CCDC141: variants seen among roughly 807,000 people sequenced by gnomAD.
CCDC141 encodes the protein coiled-coil domain-containing protein 141.
Under a neutral mutation model 181.0 loss-of-function variants are expected in CCDC141, and 168 were observed. That is an observed-to-expected ratio of 0.93 (90% CI 0.82 to 1.05). The LOEUF (loss-of-function observed/expected upper bound fraction) is 1.05, where lower values mean the gene tolerates loss of function less well. CCDC141 is among the 50% of genes least tolerant of loss of function. CCDC141 has a pLI of 0.00. For synonymous variants in CCDC141, 666 were observed against 642.3 expected, an observed-to-expected ratio of 1.04 and a Z score of -0.56; for missense variants, 1,902 against 1,788.5, an observed-to-expected ratio of 1.06 and a Z score of -1.14.
chr2:178,891,541 G>C (rs1237368117), intron 8 of CCDC141, among the ~76,000 whole-genome samples: 1 of 152,080 alleles, frequency 6.6e-6, no homozygotes. Flanking sequence ...TGGCCTGGCT[G>C]ACAGGCTCCT....
chr2:178,870,122 C>A (rs1446264302), intron 14 of CCDC141, among the ~76,000 whole-genome samples: 1 of 151,048 alleles, frequency 6.6e-6, no homozygotes, highest in Non-Finnish European at 1.5e-5. Context: ...ATCCCAGCTA[C>A]CCCAGAGGCT....
intron 12 of CCDC141, 115 bp downstream of exon 12, chr2:178,877,849 G>T: frequency 1.0e-6 from 1 of 991,790 alleles, no homozygotes. Flanking sequence ...TGAAGCTAAA[G>T]AGAACTCCCT....
chr2:178,981,636 G>A (rs13405009), intron 2 of CCDC141, among the ~76,000 whole-genome samples: 22 of 62,386 alleles, frequency 3.5e-4, no homozygotes, highest in Admixed American at 7.8e-4. Flanking sequence ...GTGTGTGTGT[G>A]TATATATATA....
intron 6 of CCDC141, among the ~76,000 whole-genome samples, chr2:178,939,858 G>A (rs1188717334): frequency 6.6e-6 from 1 of 151,974 alleles, no homozygotes; most frequent in Admixed American, 6.6e-5. Context: ...CACCCACAAG[G>A]GGTAAATTAA....
intron 4 of CCDC141, among the ~76,000 whole-genome samples, chr2:178,974,370 A>G (rs916588410): frequency 2.6e-5 from 4 of 152,174 alleles, no homozygotes; most frequent in African/African-American, 9.7e-5. Context: ...GTTTCTATCA[A>G]TTTATCTAAC....
chr2:178,817,423 T>A, the CCDC141 span: 1 of 456,226 alleles, frequency 2.2e-6, no homozygotes. Context: ...CTTCCTAGAA[T>A]CAGAAAGACT....
intron 7 of CCDC141, among the ~76,000 whole-genome samples, chr2:178,917,119 T>C (rs1254470902): frequency 3.3e-5 from 5 of 152,222 alleles, no homozygotes; most frequent in South Asian, 2.1e-4. Context: ...ACTGGAAGCA[T>C]TGCTTTATAG....
chr2:178,970,084 A>C (rs1478318431), intron 4 of CCDC141, among the ~76,000 whole-genome samples: 4 of 152,234 alleles, frequency 2.6e-5, no homozygotes, highest in African/African-American at 9.6e-5. Context: ...GGACCTCTTC[A>C]GGGAAAACTA....
At chr2:179,024,603 G>A (rs2042779615) in intron 2 of CCDC141, among the ~76,000 whole-genome samples, 1 of 150,990 alleles carries the variant, frequency 6.6e-6, no homozygotes, top group Non-Finnish European at 1.5e-5. Context: ...TGGCCAGTAA[G>A]GTAAGTGGCA....
At chr2:178,820,945 A>ACAT in the CCDC141 span, among the ~76,000 whole-genome samples, 1 of 152,164 alleles carries the variant, frequency 6.6e-6, no homozygotes, top group Non-Finnish European at 1.5e-5. Flanking sequence ...TGTCAAAGTG[A>ACAT]CTTTTTATTT....
rs1327004819 is a variant in CCDC141 at position 178,888,521 on chromosome 2, A to T, written c.1407+6T>A. ...TAGATATTTAAGTTTTAGTTTACGA[A>T]ACTACCTTCCGTAGGTAACCCTCCA... is the stretch of plus-strand genomic sequence containing the variant. On this transcript the variant is annotated splice_donor_region_variant and intron_variant, in intron 9 of 23. Coordinates refer to ENST00000443758, the MANE Select transcript of CCDC141 (RefSeq NM_173648.4). 3 of 1,549,940 alleles carry T rather than the reference A, an allele frequency of 1.9e-6. No homozygotes were observed. The East Asian group carries it at 7.3e-5, about 38-fold the overall frequency.
At chr2:178,816,194 C>T in the CCDC141 span, among the ~76,000 whole-genome samples, 1 of 152,140 alleles carries the variant, frequency 6.6e-6, no homozygotes, top group Non-Finnish European at 1.5e-5. Context: ...TCCACTTGTT[C>T]TTCATCTTCT....
chr2:178,820,480 G>GA, the CCDC141 span, among the ~76,000 whole-genome samples: 1 of 152,106 alleles, frequency 6.6e-6, no homozygotes, highest in African/African-American at 2.4e-5. Flanking sequence ...CATGAAAACA[G>GA]AAACATGGCA....
intron 22 of CCDC141, among the ~76,000 whole-genome samples, chr2:178,843,844 T>G (rs1444650647): frequency 1.3e-5 from 2 of 152,192 alleles, no homozygotes; most frequent in Non-Finnish European, 2.9e-5. Flanking sequence ...ATTGAGCTAC[T>G]TAAAAGTGAA....
At chr2:178,938,115 T>C (rs1268201655) in intron 6 of CCDC141, among the ~76,000 whole-genome samples, 10 of 152,100 alleles carry the variant, frequency 6.6e-5, no homozygotes, top group Non-Finnish European at 1.3e-4. Context: ...TTAGGGTTGA[T>C]TTGTTCTTGC....
At chr2:178,936,304 A>C (rs962266348) in intron 6 of CCDC141, among the ~76,000 whole-genome samples, 24 of 152,066 alleles carry the variant, frequency 1.6e-4, no homozygotes, top group Non-Finnish European at 1.9e-4. Flanking sequence ...TTCACCTTTA[A>C]TCTTCTGCAT....
At chr2:178,987,043 C>G (rs938148562) in intron 2 of CCDC141, among the ~76,000 whole-genome samples, 2 of 151,426 alleles carry the variant, frequency 1.3e-5, no homozygotes, top group African/African-American at 4.9e-5. Context: ...AAGCTGGAGG[C>G]ATCACACTAC....
chr2:178,989,920 A>G lies in CCDC141; in HGVS notation c.226-11245T>C, dbSNP rs558441663. Among the ~76,000 whole-genome samples the G allele has an allele frequency of 8.0e-5, 12 of 150,798 alleles. 1 individual carries two copies. In the South Asian group the frequency reaches 2.5e-3, roughly 32 times the overall value. On this transcript the variant is annotated intron_variant, in intron 2 of 23. Coordinates refer to ENST00000443758, the MANE Select transcript of CCDC141 (RefSeq NM_173648.4). ...TTTGGGAGGCTGAGGCAGGCGGATC[A>G]CCTGAGGTCAGGAGTTCACGACCAG...
chr2:178,866,828 C>T (rs182480768), intron 16 of CCDC141, among the ~76,000 whole-genome samples: 8 of 152,176 alleles, frequency 5.3e-5, no homozygotes, highest in African/African-American at 1.4e-4. Context: ...TGGGTTCAAG[C>T]GATTCTTCTG....
Sources: allele counts gnomAD v4.1 joint callset (sites outside exome capture counted in the v4.1 genomes callset), GRCh38; gene constraint gnomAD v4.1.1; transcripts MANE v1.5; gene names NCBI Gene and HGNC (gene_info 2026-07-23, HGNC 2026-07-21).